FRMD6: variants seen among roughly 807,000 people sequenced by gnomAD.
FRMD6 encodes FERM domain containing 6.
A neutral mutation model predicts 73.2 loss-of-function variants in FRMD6; 37 were observed. The ratio of observed to expected loss-of-function variants is 0.51; its 90% CI spans 0.39 to 0.66. The LOEUF is 0.66. Ranked by LOEUF, FRMD6 falls within the 30% of genes least tolerant of loss-of-function variation. FRMD6 has a pLI of 0.00. For missense variants in FRMD6, 714 were observed against 780.5 expected (o/e 0.91, Z 1.02); for synonymous variants, 273 against 282.2 (o/e 0.97, Z 0.33).
At chr14:51,422,935 G>A in the FRMD6 span, among the ~76,000 whole-genome samples, 4 of 152,220 alleles carry the variant, frequency 2.6e-5, no homozygotes, top group East Asian at 3.9e-4. Flanking sequence ...TGAGATGTGA[G>A]CAGAAGTGAT....
chr14:51,529,567 C>T (rs1885462508), intron 1 of FRMD6, among the ~76,000 whole-genome samples: 1 of 152,124 alleles, frequency 6.6e-6, no homozygotes, highest in South Asian at 2.1e-4. Context: ...TCTTATATAT[C>T]CAGTAGCAAT....
intron 1 of FRMD6, among the ~76,000 whole-genome samples, chr14:51,512,492 C>T (rs550605775): frequency 2.6e-5 from 4 of 152,304 alleles, no homozygotes; most frequent in African/African-American, 9.6e-5. Context: ...CCAGGGACAA[C>T]GTCTTGTCAT....
intron 6 of FRMD6, among the ~76,000 whole-genome samples, chr14:51,706,597 G>A (rs1434750978): frequency 6.6e-6 from 1 of 151,900 alleles, no homozygotes; most frequent in African/African-American, 2.4e-5. Context: ...CTTTCTTCTT[G>A]CAGTTCCTTT....
At chr14:51,625,626 G>T (rs1423821299) in intron 2 of FRMD6, among the ~76,000 whole-genome samples, 1 of 152,080 alleles carries the variant, frequency 6.6e-6, no homozygotes, top group African/African-American at 2.4e-5. Flanking sequence ...AAATCTTTCT[G>T]CTCCCGAGCA....
intron 1 of FRMD6, among the ~76,000 whole-genome samples, chr14:51,516,217 C>T (rs1319848468): frequency 6.6e-6 from 1 of 151,214 alleles, no homozygotes; most frequent in Non-Finnish European, 1.5e-5. Context: ...TCCCAAGACA[C>T]ACTCACAAAA....
chr14:51,708,256 T>C (rs750094718), intron 7 of FRMD6, 23 bp downstream of exon 7: 1 of 1,605,096 alleles, frequency 6.2e-7, no homozygotes, highest in South Asian at 1.1e-5. Flanking sequence ...AACTAAGTCT[T>C]CAGCTTCTGA....
At chr14:51,418,446 G>A in the FRMD6 span, among the ~76,000 whole-genome samples, 2 of 152,196 alleles carry the variant, frequency 1.3e-5, no homozygotes, top group African/African-American at 4.8e-5. Flanking sequence ...TTTCCTGGAA[G>A]TCTACTCCAG....
the FRMD6 span, among the ~76,000 whole-genome samples, chr14:51,463,665 T>C: frequency 1.3e-5 from 2 of 152,236 alleles, no homozygotes; most frequent in Non-Finnish European, 2.9e-5. Flanking sequence ...GCACGCTACA[T>C]GCAGACAGGC....
At chr14:51,471,226 A>G in the FRMD6 span, among the ~76,000 whole-genome samples, 1 of 152,144 alleles carries the variant, frequency 6.6e-6, no homozygotes, top group Non-Finnish European at 1.5e-5. Context: ...GCGGTGGCTC[A>G]CGCTTATAAT....
chr14:51,480,859 G>GT, the FRMD6 span, among the ~76,000 whole-genome samples: 1 of 152,222 alleles, frequency 6.6e-6, no homozygotes, highest in Non-Finnish European at 1.5e-5. Context: ...AATAGTAGCT[G>GT]TAGCAGTGGT....
At chr14:51,417,557 C>T in the FRMD6 span, among the ~76,000 whole-genome samples, 1 of 152,316 alleles carries the variant, frequency 6.6e-6, no homozygotes, top group South Asian at 2.1e-4. Flanking sequence ...GTGGGTAACC[C>T]AACCTTTCTC....
chr14:51,473,828 T>C, the FRMD6 span, among the ~76,000 whole-genome samples: 1 of 151,750 alleles, frequency 6.6e-6, no homozygotes, highest in Non-Finnish European at 1.5e-5. Flanking sequence ...TCTTTACTTT[T>C]TTTTTTTTTT....
At chr14:51,501,111 A>G (rs1883598202) in intron 1 of FRMD6, among the ~76,000 whole-genome samples, 1 of 152,230 alleles carries the variant, frequency 6.6e-6, no homozygotes, top group Admixed American at 6.5e-5. Context: ...TATACTATGC[A>G]CTGAATAAGA....
intron 11 of FRMD6, among the ~76,000 whole-genome samples, chr14:51,721,730 G>C (rs1376088957): frequency 4.3e-5 from 5 of 115,732 alleles, no homozygotes; most frequent in Non-Finnish European, 8.8e-5. Context: ...GAGGGAGGAA[G>C]GGAGGGAGGA....
the FRMD6 span, among the ~76,000 whole-genome samples, chr14:51,472,603 T>A: frequency 6.6e-6 from 1 of 152,160 alleles, no homozygotes; most frequent in East Asian, 1.9e-4. Flanking sequence ...GCACCCAGCC[T>A]GCTGAAGGAA....
chr14:51,578,236 C>T lies in FRMD6; in HGVS notation c.-147+7826C>T, dbSNP rs7143015. Among the ~76,000 whole-genome samples the T allele has an allele frequency of 5.4e-3, 825 of 152,142 alleles. 10 individuals carry two copies. Among genetic ancestry groups the T allele is most frequent in the African/African-American group, 0.019 (794 of 41,500 alleles). On this transcript the variant is annotated intron_variant, in intron 2 of 14. Transcript: ENST00000356218. ...TAGATTCTTGACATATGTGATTTCA[C>T]TTGGTTATCATAGTAATCCTGAGTG... is the stretch of plus-strand genomic sequence containing the variant.
intron 2 of FRMD6, among the ~76,000 whole-genome samples, chr14:51,612,439 G>T (rs750450312): frequency 6.6e-6 from 1 of 152,218 alleles, no homozygotes; most frequent in African/African-American, 2.4e-5. Flanking sequence ...AGGGAAAGAT[G>T]CCTAGGCCAA....
chr14:51,469,131 G>T, the FRMD6 span, among the ~76,000 whole-genome samples: 2 of 151,548 alleles, frequency 1.3e-5, no homozygotes, highest in East Asian at 2.0e-4. Context: ...TAGTAGAGAC[G>T]GGGTTTCACC....
intron 1 of FRMD6, among the ~76,000 whole-genome samples, chr14:51,566,142 G>A (rs1566817706): frequency 6.6e-6 from 1 of 152,232 alleles, no homozygotes; most frequent in African/African-American, 2.4e-5. Flanking sequence ...TCTAGCCTGG[G>A]CGACAGAGGG....
Sources: allele counts gnomAD v4.1 joint callset (sites outside exome capture counted in the v4.1 genomes callset), GRCh38; gene constraint gnomAD v4.1.1; transcripts MANE v1.5; gene names NCBI Gene and HGNC (gene_info 2026-07-23, HGNC 2026-07-21).